Variants in ZNF516 observed in about 807,000 individuals in gnomAD.
The protein encoded by ZNF516 is zinc finger protein 516.
ZNF516 carries 19 observed loss-of-function variants against 79.7 expected under a neutral mutation model. The observed-to-expected ratio is 0.24, with a 90% confidence interval of 0.17 to 0.35. ZNF516 has a LOEUF of 0.35. Ranked by LOEUF, ZNF516 falls within the 10% of genes least tolerant of loss-of-function variation. The pLI is 1.00. For missense variants in ZNF516, 1,678 were observed against 1,679.5 expected, an observed-to-expected ratio of 1.00 and a Z score of 0.02; for synonymous variants, 877 against 739.5, an observed-to-expected ratio of 1.19 and a Z score of -3.02.
intron 3 of ZNF516, among the ~76,000 whole-genome samples, chr18:76,403,708 TC>T (rs1200954340): frequency 6.6e-6 from 1 of 152,116 alleles, no homozygotes; most frequent in Non-Finnish European, 1.5e-5. Context: ...CCAATCTATA[TC>T]CTTAATAACC....
At chr18:76,413,189 C>T (rs1238204343) in intron 3 of ZNF516, among the ~76,000 whole-genome samples, 1 of 152,212 alleles carries the variant, frequency 6.6e-6, no homozygotes, top group Admixed American at 6.5e-5. Context: ...GTTGACCACA[C>T]TCTCTCTCTC....
chr18:76,441,341 C>T lies in ZNF516; in HGVS notation c.1714G>A (p.Gly572Ser), dbSNP rs2075816033. ...GAGTCAGCAGCGGCACAGGCGGAGCCAGGGCTGCTGGGCTGGGAGGCCGAG... is the reference window on the plus strand; with the variant it reads ...GAGTCAGCAGCGGCACAGGCGGAGCTAGGGCTGCTGGGCTGGGAGGCCGAG... ...GDSASQPSSP[G>S]SACAAADSPG... is the part of the protein sequence containing the mutation. Residue 572 changes from glycine (G) to serine (S), a missense_variant, in exon 3 of 7, where the codon GGC becomes AGC. Gly to Ser is a moderately conservative substitution (Grantham distance 56). This residue lies in a region of ZNF516 where 1,294 missense variants were observed against 1,248.3 expected (regional missense o/e 1.04). Coordinates refer to ENST00000443185, the MANE Select transcript of ZNF516 (RefSeq NM_014643.4). 1 of 1,611,602 alleles carries T rather than the reference C, an allele frequency of 6.2e-7. No individual in the cohort carries two copies. Among genetic ancestry groups the T allele is most frequent in the Non-Finnish European group, 8.5e-7 (1 of 1,179,508 alleles).
intron 2 of ZNF516, among the ~76,000 whole-genome samples, chr18:76,449,066 C>T (rs182326138): frequency 6.6e-6 from 1 of 152,270 alleles, no homozygotes; most frequent in Admixed American, 6.5e-5. Context: ...CCCATCTCAG[C>T]AGTGCCCAGT....
chr18:76,426,006 C>T (rs1264638907), intron 3 of ZNF516, among the ~76,000 whole-genome samples: 2 of 152,232 alleles, frequency 1.3e-5, no homozygotes, highest in Non-Finnish European at 2.9e-5. Context: ...TGTTGCATAG[C>T]AAACTCAAGT....
At chr18:76,477,543 A>T (rs1914245753) in intron 1 of ZNF516, among the ~76,000 whole-genome samples, 1 of 152,188 alleles carries the variant, frequency 6.6e-6, no homozygotes, top group Non-Finnish European at 1.5e-5. Flanking sequence ...GTCCGGGGAA[A>T]AACAAGGTCA....
chr18:76,407,998 G>C (rs747906033), intron 3 of ZNF516, among the ~76,000 whole-genome samples: 1 of 152,224 alleles, frequency 6.6e-6, no homozygotes, highest in East Asian at 1.9e-4. Flanking sequence ...GGTGCAGCCC[G>C]CGCTGCTTCT....
intron 3 of ZNF516, among the ~76,000 whole-genome samples, chr18:76,409,987 G>A (rs1218488099): frequency 3.3e-5 from 5 of 152,242 alleles, no homozygotes; most frequent in African/African-American, 9.6e-5. Flanking sequence ...TTTTTATGAA[G>A]GGGAGTTCCC....
chr18:76,441,699 G>C lies in ZNF516; in HGVS notation c.1356C>G (p.Asp452Glu). The C allele has an allele frequency of 6.4e-7, 1 of 1,569,852 alleles. No homozygotes were observed. Among genetic ancestry groups the C allele is most frequent in the South Asian group, 1.2e-5 (1 of 85,992 alleles). The change falls in exon 3 of 7, where the codon GAC becomes GAG. Residue 452 changes from aspartate (D) to glutamate (E), a missense_variant. Physicochemically the swap from Asp to Glu is conservative, Grantham distance 45 (BLOSUM62 2). Around this residue, in one of 5 missense-constraint regions of ZNF516, gnomAD observed 1,294 missense variants for 1,248.3 expected, o/e 1.04. Coordinates refer to ENST00000443185, the MANE Select transcript of ZNF516 (RefSeq NM_014643.4). ...ALAGDVAFDKDRREYVLVSQE... is the reference protein window; with the variant it reads ...ALAGDVAFDKERREYVLVSQE... ...GGCTCACCAGGACGTACTCGCGCCT[G>C]TCCTTGTCGAAGGCCACGTCCCCGG...
chr18:76,472,327 C>A (rs554788301), intron 1 of ZNF516, among the ~76,000 whole-genome samples: 2 of 152,254 alleles, frequency 1.3e-5, no homozygotes, highest in South Asian at 2.1e-4. Flanking sequence ...GACACCCCTG[C>A]CATCCCTGAC....
At chr18:76,395,301 C>T (rs1353059748) in intron 3 of ZNF516, among the ~76,000 whole-genome samples, 1 of 152,186 alleles carries the variant, frequency 6.6e-6, no homozygotes, top group Non-Finnish European at 1.5e-5. Context: ...CTCCCAGACA[C>T]CAAGAAAGCA....
At chr18:76,491,063 G>A in intron 1 of ZNF516, 1 of 985,382 alleles carries the variant, frequency 1.0e-6, no homozygotes, top group Non-Finnish European at 1.2e-6. Context: ...ACCGGTTCAG[G>A]TGTGAACACT....
chr18:76,381,111 G>C (rs758801124), intron 3 of ZNF516, among the ~76,000 whole-genome samples: 1 of 152,218 alleles, frequency 6.6e-6, no homozygotes, highest in Non-Finnish European at 1.5e-5. Context: ...GGGAGGGATG[G>C]TGTGGTCAGA....
intron 3 of ZNF516, among the ~76,000 whole-genome samples, chr18:76,419,482 A>G (rs1225666995): frequency 6.6e-6 from 1 of 152,212 alleles, no homozygotes; most frequent in Non-Finnish European, 1.5e-5. Context: ...TAAATAAAAT[A>G]CTTCAATTTC....
At chr18:76,445,713 C>T (rs1263389794) in intron 2 of ZNF516, among the ~76,000 whole-genome samples, 1 of 152,236 alleles carries the variant, frequency 6.6e-6, no homozygotes, top group Admixed American at 6.5e-5. Flanking sequence ...AATGTCAAGA[C>T]ACTTCTCCAG....
At chr18:76,494,925 C>T (rs1388382019) in intron 1 of ZNF516, among the ~76,000 whole-genome samples, 1 of 147,050 alleles carries the variant, frequency 6.8e-6, no homozygotes, top group Admixed American at 6.8e-5. Context: ...CTTCCCCTAT[C>T]CTGGAATTGA....
chr18:76,406,221 G>A (rs2075303235), intron 3 of ZNF516, among the ~76,000 whole-genome samples: 1 of 152,174 alleles, frequency 6.6e-6, no homozygotes, highest in African/African-American at 2.4e-5. Context: ...CGCCTGTGCT[G>A]GATTTCTACT....
intron 4 of ZNF516, chr18:76,372,857 A>G (rs1720679755): frequency 6.6e-6 from 1 of 152,242 alleles, no homozygotes; most frequent in Admixed American, 6.5e-5. Context: ...CCAACACTCA[A>G]GTTAACAGGG....
At chr18:76,380,577 C>T (rs894091080) in intron 3 of ZNF516, among the ~76,000 whole-genome samples, 2 of 152,060 alleles carry the variant, frequency 1.3e-5, no homozygotes, top group African/African-American at 2.4e-5. Context: ...TTACATGTAA[C>T]GACGCTGTCC....
chr18:76,398,706 A>C (rs28565339), intron 3 of ZNF516, among the ~76,000 whole-genome samples: 2 of 152,312 alleles, frequency 1.3e-5, no homozygotes, highest in South Asian at 4.1e-4. Context: ...TCTCCTACAC[A>C]AAGTGTTTTA....
Sources: gnomAD v4.1 joint callset for allele counts (sites outside exome capture counted in the v4.1 genomes callset) on GRCh38, gnomAD v4.1.1 for gene constraint, gnomAD v4.1.1 regional missense constraint, MANE v1.5 for transcripts, NCBI Gene and HGNC (gene_info 2026-07-23, HGNC 2026-07-21) for gene names.